DEDD2: variants seen among roughly 807,000 people sequenced by gnomAD.
The protein encoded by DEDD2 is death effector domain containing 2.
A neutral mutation model predicts 28.9 loss-of-function variants in DEDD2; 18 were observed. The ratio of observed to expected loss-of-function variants is 0.62; its 90% confidence interval spans 0.43 to 0.92. DEDD2 has a LOEUF of 0.92. Ranked by LOEUF, DEDD2 falls within the 40% of genes least tolerant of loss-of-function variation. The probability of loss-of-function intolerance (pLI) is 0.00; values close to 1 mark genes in which losing one functional copy is unlikely to be tolerated. For synonymous variants in DEDD2, 211 were observed against 206.1 expected (o/e 1.02, Z -0.20); for missense variants, 411 against 463.3 (o/e 0.89, Z 1.04).
Position 42,198,801 on chromosome 19 carries a change from G to A in DEDD2, c.*637C>T, listed in dbSNP as rs1182804043. 6.5e-6 allele frequency: 1 copy of A among 152,810 alleles called. No individual in the cohort carries two copies. Among genetic ancestry groups the A allele is most frequent in the Non-Finnish European group, 1.5e-5 (1 of 68,462 alleles). 9.5% of individuals were successfully genotyped at this position (152,810 alleles called of 1,614,324 possible). A position where few individuals can be genotyped will look rare whatever the true frequency, so the allele number is the denominator to read the frequency against. On this transcript the variant is annotated 3_prime_UTR_variant, in exon 5 of 5. Transcript: ENST00000596251. ...AGGTGACATCCAAGTGCAAGTCTAT[G>A]TTCAGCTCTGGACAGCAGGGGGGAA...
At chr19:42,217,272 C>T (rs976597216) in intron 1 of DEDD2, among the ~76,000 whole-genome samples, 1 of 152,138 alleles carries the variant, frequency 6.6e-6, no homozygotes, top group Non-Finnish European at 1.5e-5. Flanking sequence ...CACCGTGCTA[C>T]GTTCGGAGCT....
At chr19:42,212,758 C>T (rs2035820392) in intron 3 of DEDD2, among the ~76,000 whole-genome samples, 1 of 152,132 alleles carries the variant, frequency 6.6e-6, no homozygotes, top group South Asian at 2.1e-4. Context: ...AGCCACTGCA[C>T]CCGGCTAGGT....
Position 42,199,395 on chromosome 19 carries a change from G to A in DEDD2, c.*43C>T, listed in dbSNP as rs1568434734. Reference sequence around the variant, plus strand: ...GATGGTCGTCCTCCCAGGAGAAGGTGGCCCGGAGACTTGGAGGTGGGATCA... The same window carrying A: ...GATGGTCGTCCTCCCAGGAGAAGGTAGCCCGGAGACTTGGAGGTGGGATCA... On this transcript the variant is annotated 3_prime_UTR_variant, in exon 5 of 5. Coordinates refer to ENST00000596251, the MANE Select transcript of DEDD2 (RefSeq NM_133328.4). This position sits in a 1 kb window ranked among gnomAD's most constrained non-coding sequence, Gnocchi z 7.4. The A allele has an allele frequency of 2.6e-6, 4 of 1,515,914 alleles. No individual in the cohort carries two copies. The highest frequency in any genetic ancestry group is 3.5e-6 in the Non-Finnish European group (4 of 1,138,988). The allele number at this position is 1,515,914 out of a possible 1,614,324, so 93.9% of individuals were successfully genotyped here. A position where few individuals can be genotyped will look rare whatever the true frequency, so the allele number is the denominator to read the frequency against.
chr19:42,206,718 CGA>C (rs2035549442), intron 4 of DEDD2, among the ~76,000 whole-genome samples: 4 of 152,134 alleles, frequency 2.6e-5, no homozygotes, highest in Admixed American at 2.6e-4. Context: ...CTCAGGCAGT[CGA>C]GAGTTTGTCT....
upstream of DEDD2, among the ~76,000 whole-genome samples, chr19:42,219,005 T>A (rs536067429): frequency 8.7e-5 from 13 of 149,952 alleles, no homozygotes; most frequent in East Asian, 2.6e-3. Context: ...CGAGACTTTG[T>A]CTCAAGAAAC....
At chr19:42,217,981 A>G (rs1700783163), upstream of DEDD2, among the ~76,000 whole-genome samples, 1 of 152,198 alleles carries the variant, frequency 6.6e-6, no homozygotes, top group South Asian at 2.1e-4. Flanking sequence ...CCACGTCACG[A>G]GTAGTTGTAA....
intron 1 of DEDD2, among the ~76,000 whole-genome samples, chr19:42,217,300 A>C (rs1376657230): frequency 3.3e-5 from 5 of 151,970 alleles, no homozygotes; most frequent in Non-Finnish European, 7.4e-5. Flanking sequence ...GGACCTGACC[A>C]AACGATGCGG....
intron 3 of DEDD2, among the ~76,000 whole-genome samples, chr19:42,214,015 T>C (rs2146901331): frequency 6.6e-6 from 1 of 152,330 alleles, no homozygotes; most frequent in African/African-American, 2.4e-5. Flanking sequence ...ATGTCTGTAA[T>C]TTACTTTCAA....
chr19:42,220,106 C>G (rs904126017), upstream of DEDD2: 1 of 152,270 alleles, frequency 6.6e-6, no homozygotes, highest in Non-Finnish European at 1.5e-5. Flanking sequence ...ACAGAACTTG[C>G]CGACGCTTAG....
chr19:42,211,662 A>G (rs532052138), intron 3 of DEDD2, among the ~76,000 whole-genome samples: 22 of 152,314 alleles, frequency 1.4e-4, no homozygotes, highest in African/African-American at 5.3e-4. Context: ...TGTTATTTTG[A>G]TGCTATTTAA....
intron 4 of DEDD2, among the ~76,000 whole-genome samples, chr19:42,208,341 C>G (rs1452909957): frequency 1.3e-5 from 2 of 151,986 alleles, no homozygotes; most frequent in Non-Finnish European, 2.9e-5. Context: ...GTCACTTCTC[C>G]TCACCCTCTC....
Position 42,216,777 on chromosome 19 carries a change from C to T in DEDD2, c.231G>A (p.Gln77=), listed in dbSNP as rs544209247. ...GCAGCCGCAGGTTGCTCTCGTCGCA[C>T]TGCCCGCGGCGCTCCAGCTCCAGCA... ...ELLLELERRG[Q]CDESNLRLLG... is the part of the protein sequence containing the mutation. Residue 77 remains glutamine (Q), a synonymous_variant, in exon 2 of 5, where the codon CAG becomes CAA. Coordinates refer to ENST00000596251, the MANE Select transcript of DEDD2 (RefSeq NM_133328.4). 6.3e-7 allele frequency: 1 copy of T among 1,589,844 alleles called. No individual in the cohort carries two copies. The highest frequency in any genetic ancestry group is 1.8e-5 in the Admixed American group (1 of 56,862).
chr19:42,215,203 T>G lies in DEDD2; in HGVS notation c.378A>C (p.Thr126=), dbSNP rs200135875. ...SYGTSSSSKR[T]EGSCRRRRQS... is the part of the protein sequence containing the mutation. ...GCCGACGGCGACGGCAGCTACCCTC[T>G]GTCCTCTTTGAAGAGCTGGAGGTGC... Residue 126 remains threonine, a synonymous_variant, in exon 3 of 5, where the codon ACA becomes ACC. Transcript: ENST00000596251. 6 of 1,614,050 alleles carry G rather than the reference T, an allele frequency of 3.7e-6. No individual in the cohort carries two copies. The highest frequency in any genetic ancestry group is 5.1e-6 in the Non-Finnish European group (6 of 1,180,040).
chr19:42,200,492 C>T (rs1452012237), intron 4 of DEDD2, among the ~76,000 whole-genome samples: 2 of 152,254 alleles, frequency 1.3e-5, no homozygotes, highest in Non-Finnish European at 1.5e-5. Flanking sequence ...ATCCCCATCC[C>T]TCCCATCCAC....
chr19:42,209,199 C>T (rs963965606), intron 4 of DEDD2, among the ~76,000 whole-genome samples: 2 of 151,990 alleles, frequency 1.3e-5, no homozygotes, highest in Non-Finnish European at 2.9e-5. Context: ...CAAGATCACA[C>T]CACTGCACTC....
In DEDD2 at chr19:42,216,662, C is replaced by A; in HGVS notation, c.328+18G>T. The A allele has an allele frequency of 1.3e-6, 2 of 1,540,660 alleles. No individual in the cohort carries two copies. The highest frequency in any genetic ancestry group is 8.7e-7 in the Non-Finnish European group (1 of 1,150,196). Reference sequence around the variant, plus strand: ...CCTTTCCTCCCAGGAAGTGTGACACCCTCCCATTCAACCGTACCTGGCCGG... The same window carrying A: ...CCTTTCCTCCCAGGAAGTGTGACACACTCCCATTCAACCGTACCTGGCCGG... On this transcript the variant is annotated intron_variant, in intron 2 of 4. Transcript: ENST00000596251.
In DEDD2 at chr19:42,217,019, G is replaced by T; in HGVS notation, c.-12C>A. The T allele has an allele frequency of 6.4e-7, 1 of 1,567,822 alleles. No homozygotes were observed. The highest frequency in any genetic ancestry group is 2.4e-5 in the East Asian group (1 of 41,830). On this transcript the variant is annotated 5_prime_UTR_variant, in exon 2 of 5. Coordinates refer to ENST00000596251, the MANE Select transcript of DEDD2 (RefSeq NM_133328.4). ...CCGGATAGCGCCATTCCCGGGGGAG[G>T]GAGGCGGAACAAGCTCAGAACCCGG... is the stretch of plus-strand genomic sequence containing the variant.
In DEDD2 at chr19:42,209,758, G is replaced by A. The variant is rs780919432; in HGVS notation, c.531C>T (p.Ala177=). ...CGGGCTCTGACTGCTGCTGGGGTGC[G>A]GCTGGGGCCCCTCTCCGCCGCCGTC... ...GARRRRRGAP[A]APQQQSEPAR... Residue 177 remains alanine (A), a synonymous_variant, in exon 4 of 5, where the codon GCC becomes GCT. Coordinates refer to ENST00000596251, the MANE Select transcript of DEDD2 (RefSeq NM_133328.4). The A allele has an allele frequency of 4.9e-5, 78 of 1,603,358 alleles. No homozygotes were observed. Among genetic ancestry groups the A allele is most frequent in the African/African-American group, 9.4e-5 (7 of 74,104 alleles).
intron 1 of DEDD2, among the ~76,000 whole-genome samples, chr19:42,217,255 C>A (rs1333769185): frequency 6.6e-6 from 1 of 152,088 alleles, no homozygotes; most frequent in Non-Finnish European, 1.5e-5. Context: ...TCGGCTTCTG[C>A]CCCCACCACC....
Sources: gnomAD v4.1 joint callset for allele counts (sites outside exome capture counted in the v4.1 genomes callset) on GRCh38, gnomAD v4.1.1 for gene constraint, Gnocchi (gnomAD v3.1) non-coding constraint, MANE v1.5 for transcripts, NCBI Gene and HGNC (gene_info 2026-07-23, HGNC 2026-07-21) for gene names.